CDYL2: variants seen among roughly 807,000 people sequenced by gnomAD.
CDYL2 encodes the protein chromodomain Y-like protein 2.
Under a neutral mutation model 49.4 loss-of-function variants are expected in CDYL2, and 23 were observed. The ratio of observed to expected loss-of-function variants is 0.47; its 90% CI spans 0.34 to 0.66. The LOEUF (loss-of-function observed/expected upper bound fraction) is 0.66, where lower values mean the gene tolerates loss of function less well. CDYL2 is among the 30% of genes least tolerant of loss of function. CDYL2 has a pLI of 0.01. For missense variants in CDYL2, 678 were observed against 656.4 expected (o/e 1.03, Z -0.36); for synonymous variants, 360 against 268.8 (o/e 1.34, Z -3.32).
intron 1 of CDYL2, among the ~76,000 whole-genome samples, chr16:80,774,839 T>C (rs369354995): frequency 3.6e-4 from 54 of 151,082 alleles, no homozygotes; most frequent in African/African-American, 1.2e-3. Flanking sequence ...AGTAGTAAGA[T>C]ACATGAAGAG....
chr16:80,725,391 G>A (rs188778991), intron 1 of CDYL2, among the ~76,000 whole-genome samples: 2 of 152,200 alleles, frequency 1.3e-5, no homozygotes, highest in African/African-American at 4.8e-5. Context: ...GCGATTTGTG[G>A]GATTCATGGT....
intron 1 of CDYL2, among the ~76,000 whole-genome samples, chr16:80,758,892 CGAA>C (rs973967355): frequency 1.3e-5 from 2 of 151,456 alleles, no homozygotes; most frequent in African/African-American, 4.9e-5. Flanking sequence ...TCTAAAATTC[CGAA>C]GACTGGTTAA....
intron 1 of CDYL2, among the ~76,000 whole-genome samples, chr16:80,756,446 T>G (rs1906313505): frequency 1.3e-5 from 2 of 152,100 alleles, no homozygotes; most frequent in Admixed American, 6.5e-5. Flanking sequence ...GAGAGGAAAT[T>G]ATTTAGAACA....
At chr16:80,800,197 T>C (rs1023949464) in intron 1 of CDYL2, among the ~76,000 whole-genome samples, 1 of 152,230 alleles carries the variant, frequency 6.6e-6, no homozygotes, top group Non-Finnish European at 1.5e-5. Flanking sequence ...CCACTATGCT[T>C]TCCACTATGT....
At chr16:80,616,411 G>A (rs59338992) in intron 4 of CDYL2, among the ~76,000 whole-genome samples, 14,075 of 152,132 alleles carry the variant, frequency 0.093, 1,265 homozygotes, top group African/African-American at 0.24. Flanking sequence ...TCAATTCTCA[G>A]ATTGGTCTGT....
intron 1 of CDYL2, among the ~76,000 whole-genome samples, chr16:80,712,387 T>C (rs964886190): frequency 1.3e-5 from 2 of 151,782 alleles, no homozygotes; most frequent in African/African-American, 2.4e-5. Context: ...CCCTTACAAG[T>C]CTCTCCTGGT....
intron 1 of CDYL2, among the ~76,000 whole-genome samples, chr16:80,775,361 G>A (rs182643170): frequency 6.6e-6 from 1 of 151,914 alleles, no homozygotes; most frequent in Non-Finnish European, 1.5e-5. Flanking sequence ...ACAAAAATCT[G>A]TATATACAGT....
At chr16:80,689,984 G>A (rs1051310918) in intron 1 of CDYL2, among the ~76,000 whole-genome samples, 11 of 152,086 alleles carry the variant, frequency 7.2e-5, no homozygotes, top group African/African-American at 2.4e-4. Flanking sequence ...AGCTGGGCGT[G>A]GTGGCATATG....
rs1379376969 is a variant in CDYL2, at chr16:80,602,282, C to G, written c.*2106G>C. ...ACTCCCTGTAGGACAGGTCCGAAGT[C>G]CTTACAGGATCCTACATGGACAAAG... On this transcript the variant is annotated 3_prime_UTR_variant, in exon 7 of 7. Coordinates refer to ENST00000570137, the MANE Select transcript of CDYL2 (RefSeq NM_152342.4). 6.6e-6 allele frequency: 1 copy of G among 152,186 alleles called. No individual in the cohort carries two copies. The highest frequency in any genetic ancestry group is 2.4e-5 in the African/African-American group (1 of 41,446). The allele number at this position is 152,186 out of a possible 1,614,324, so 9.4% of individuals were successfully genotyped here.
chr16:80,673,096 T>A (rs1184292522), intron 2 of CDYL2, among the ~76,000 whole-genome samples: 1 of 152,098 alleles, frequency 6.6e-6, no homozygotes, highest in Non-Finnish European at 1.5e-5. Context: ...GGTGGGTGGA[T>A]CACTTGAGGT....
chr16:80,774,294 G>A (rs1281587623), intron 1 of CDYL2, among the ~76,000 whole-genome samples: 1 of 151,878 alleles, frequency 6.6e-6, no homozygotes, highest in Non-Finnish European at 1.5e-5. Context: ...AATAAGCCAG[G>A]CGCTGAAAGA....
chr16:80,672,800 C>T (rs1909583935), intron 2 of CDYL2, among the ~76,000 whole-genome samples: 1 of 152,182 alleles, frequency 6.6e-6, no homozygotes, highest in African/African-American at 2.4e-5. Context: ...ATGTAACATC[C>T]TTAGCCCACC....
chr16:80,646,831 AC>A (rs1908369029), intron 2 of CDYL2, among the ~76,000 whole-genome samples: 1 of 151,908 alleles, frequency 6.6e-6, no homozygotes, highest in South Asian at 2.1e-4. Context: ...AAACAAAAAA[AC>A]AAGACCCAAT....
chr16:80,610,329 G>A (rs376890162), intron 5 of CDYL2, among the ~76,000 whole-genome samples: 1 of 152,204 alleles, frequency 6.6e-6, no homozygotes, highest in Non-Finnish European at 1.5e-5. Context: ...ACAGTCCTGA[G>A]AATGTGCGGA....
At chr16:80,699,790 A>C (rs1904291489) in intron 1 of CDYL2, among the ~76,000 whole-genome samples, 2 of 152,230 alleles carry the variant, frequency 1.3e-5, no homozygotes, top group African/African-American at 4.8e-5. Flanking sequence ...AAATATGTAT[A>C]ATTATTATGT....
At chr16:80,722,004 G>C (rs529717093) in intron 1 of CDYL2, among the ~76,000 whole-genome samples, 55 of 152,300 alleles carry the variant, frequency 3.6e-4, no homozygotes, top group African/African-American at 1.2e-3. Context: ...CTTCTTTGAG[G>C]AAGAAGTGGT....
intron 1 of CDYL2, among the ~76,000 whole-genome samples, chr16:80,770,549 C>A (rs1200123643): frequency 1.3e-5 from 2 of 151,740 alleles, no homozygotes; most frequent in African/African-American, 4.8e-5. Flanking sequence ...ATTTTTCCTG[C>A]CCACAAAAAA....
intron 2 of CDYL2, among the ~76,000 whole-genome samples, chr16:80,641,773 G>C (rs1025777349): frequency 3.7e-4 from 56 of 150,018 alleles, no homozygotes; most frequent in Middle Eastern, 6.9e-3. Context: ...GGGAGGGATA[G>C]CATTAGGAGA....
At chr16:80,749,658 A>T (rs910518587) in intron 1 of CDYL2, among the ~76,000 whole-genome samples, 11 of 152,230 alleles carry the variant, frequency 7.2e-5, no homozygotes, top group African/African-American at 2.4e-4. Context: ...AACAACTCCA[A>T]CACATACCAA....
Sources: gnomAD v4.1 joint callset for allele counts (sites outside exome capture counted in the v4.1 genomes callset) on GRCh38, gnomAD v4.1.1 for gene constraint, MANE v1.5 for transcripts, NCBI Gene and HGNC (gene_info 2026-07-23, HGNC 2026-07-21) for gene names.